The following MACROD2 variants were observed in gnomAD, a reference collection of about 807,000 sequenced individuals.
The protein encoded by MACROD2 is mono-ADP ribosylhydrolase 2.
MACROD2 carries 36 observed loss-of-function variants against 70.4 expected under a neutral mutation model. The observed-to-expected ratio is 0.51, with a 90% CI of 0.39 to 0.68. MACROD2 has a LOEUF of 0.68. Among genes scored for constraint, MACROD2 ranks in the 30% least tolerant of loss-of-function variants. The probability of loss-of-function intolerance (pLI) is 0.00; values close to 1 mark genes in which losing one functional copy is unlikely to be tolerated. For synonymous variants in MACROD2, 172 were observed against 178.8 expected, an observed-to-expected ratio of 0.96 and a Z score of 0.30; for missense variants, 496 against 538.4, an observed-to-expected ratio of 0.92 and a Z score of 0.78.
intron 5 of MACROD2, among the ~76,000 whole-genome samples, chr20:14,799,133 AG>A (rs1288864868): frequency 1.3e-5 from 2 of 152,084 alleles, no homozygotes; most frequent in African/African-American, 4.8e-5. Flanking sequence ...TTATAAAAAA[AG>A]TTATGAAATA....
chr20:15,380,943 TCTTTCA>T (rs2045634573), intron 6 of MACROD2, among the ~76,000 whole-genome samples: 1 of 150,436 alleles, frequency 6.6e-6, no homozygotes, highest in Non-Finnish European at 1.5e-5. Flanking sequence ...ACTTTTTCAC[TCTTTCA>T]CTTTCATATT....
intron 7 of MACROD2, among the ~76,000 whole-genome samples, chr20:15,464,964 G>A (rs1281964429): frequency 6.6e-6 from 1 of 152,140 alleles, no homozygotes; most frequent in East Asian, 1.9e-4. Context: ...ACCTCCCGTG[G>A]AGGGAGACCT....
At chr20:15,906,581 A>G (rs1386219642) in intron 10 of MACROD2, among the ~76,000 whole-genome samples, 3 of 151,776 alleles carry the variant, frequency 2.0e-5, no homozygotes, top group Admixed American at 6.6e-5. Flanking sequence ...CAGTTTTCCA[A>G]TGATGCTCCT....
chr20:15,580,783 T>C (rs936749556), intron 8 of MACROD2, among the ~76,000 whole-genome samples: 3 of 152,050 alleles, frequency 2.0e-5, no homozygotes, highest in Non-Finnish European at 4.4e-5. Context: ...CCATAACAAA[T>C]GGTTATGGCT....
intron 5 of MACROD2, among the ~76,000 whole-genome samples, chr20:14,727,605 TCAA>T (rs2071545365): frequency 6.6e-6 from 1 of 152,290 alleles, no homozygotes; most frequent in Admixed American, 6.5e-5. Context: ...ATGTAATTTA[TCAA>T]CTGTCTCTTC....
intron 6 of MACROD2, among the ~76,000 whole-genome samples, chr20:15,358,555 G>A (rs376974392): frequency 6.5e-4 from 99 of 152,108 alleles, no homozygotes; most frequent in African/African-American, 2.2e-3. Context: ...ATGCTTAACA[G>A]TTAGTTATCA....
intron 3 of MACROD2, among the ~76,000 whole-genome samples, chr20:14,152,318 A>C (rs2148711945): frequency 6.6e-6 from 1 of 152,302 alleles, no homozygotes; most frequent in South Asian, 2.1e-4. Flanking sequence ...AACACAATCT[A>C]GTCTATCATA....
At chr20:14,493,082 A>G (rs2084812360) in intron 3 of MACROD2, among the ~76,000 whole-genome samples, 1 of 152,072 alleles carries the variant, frequency 6.6e-6, no homozygotes, top group African/African-American at 2.4e-5. Flanking sequence ...AATTTAAATT[A>G]CTATAATACT....
chr20:14,186,147 T>C (rs1421016829), intron 3 of MACROD2, among the ~76,000 whole-genome samples: 1 of 152,214 alleles, frequency 6.6e-6, no homozygotes, highest in African/African-American at 2.4e-5. Context: ...TGTGTATTTA[T>C]AATACACATA....
intron 6 of MACROD2, among the ~76,000 whole-genome samples, chr20:15,357,050 C>G (rs2078295892): frequency 6.6e-6 from 1 of 152,148 alleles, no homozygotes; most frequent in Non-Finnish European, 1.5e-5. Flanking sequence ...GAGCTAGTGA[C>G]TATCCAATTA....
chr20:14,250,205 T>C (rs1487397572), intron 3 of MACROD2, among the ~76,000 whole-genome samples: 2 of 152,060 alleles, frequency 1.3e-5, no homozygotes, highest in Non-Finnish European at 2.9e-5. Flanking sequence ...CTGGGCTGTA[T>C]GTGGGCGCAG....
intron 3 of MACROD2, among the ~76,000 whole-genome samples, chr20:14,231,674 T>G (rs1420971045): frequency 6.6e-6 from 1 of 152,176 alleles, no homozygotes; most frequent in Admixed American, 6.5e-5. Context: ...ATGGCTGGGT[T>G]AAATGGTCTT....
intron 8 of MACROD2, among the ~76,000 whole-genome samples, chr20:15,643,537 T>C (rs907689320): frequency 1.4e-5 from 2 of 147,486 alleles, no homozygotes; most frequent in African/African-American, 5.1e-5. Context: ...CAGTCTCTTT[T>C]ATGGAATATG....
chr20:14,371,810 C>CTCTTT (rs887754335), intron 3 of MACROD2, among the ~76,000 whole-genome samples: 44 of 152,042 alleles, frequency 2.9e-4, no homozygotes, highest in African/African-American at 8.0e-4. Context: ...TCCATGATTG[C>CTCTTT]TCTTTTCTTT....
intron 6 of MACROD2, among the ~76,000 whole-genome samples, chr20:15,369,449 C>T (rs1255183338): frequency 6.6e-6 from 1 of 152,090 alleles, no homozygotes; most frequent in Non-Finnish European, 1.5e-5. Context: ...AGTAGCTCTC[C>T]TTGTATCTTT....
intron 5 of MACROD2, among the ~76,000 whole-genome samples, chr20:14,707,773 GA>G (rs1430366155): frequency 2.0e-5 from 3 of 151,930 alleles, no homozygotes; most frequent in Non-Finnish European, 4.4e-5. Context: ...AAGAAGGAGT[GA>G]AAAATTAACT....
At chr20:14,534,348 A>G (rs746267946) in intron 4 of MACROD2, among the ~76,000 whole-genome samples, 1 of 152,206 alleles carries the variant, frequency 6.6e-6, no homozygotes, top group East Asian at 1.9e-4. Flanking sequence ...GTTTTGTTTC[A>G]GATGTGGTGA....
At chr20:15,763,084 T>C (rs1200910591) in intron 8 of MACROD2, among the ~76,000 whole-genome samples, 1 of 152,226 alleles carries the variant, frequency 6.6e-6, no homozygotes, top group Non-Finnish European at 1.5e-5. Context: ...GCCAAGAGGA[T>C]GTTTTCAGAC....
intron 3 of MACROD2, among the ~76,000 whole-genome samples, chr20:14,407,578 C>T (rs6042712): frequency 1.6e-4 from 25 of 152,196 alleles, no homozygotes; most frequent in African/African-American, 5.3e-4. Flanking sequence ...CCAGTAAAAT[C>T]GAATTCCTGT....
Sources: allele counts gnomAD v4.1 joint callset (sites outside exome capture counted in the v4.1 genomes callset), GRCh38; gene constraint gnomAD v4.1.1; transcripts MANE v1.5; gene names NCBI Gene and HGNC (gene_info 2026-07-23, HGNC 2026-07-21).